The following OSBPL2 variants were observed in gnomAD, a reference collection of about 807,000 sequenced individuals.
OSBPL2 encodes the protein oxysterol-binding protein-related protein 2.
OSBPL2 carries 18 observed loss-of-function variants against 58.4 expected under a neutral mutation model. The observed-to-expected ratio is 0.31, with a 90% confidence interval of 0.21 to 0.46. The LOEUF is 0.46. Among genes scored for constraint, OSBPL2 ranks in the 20% least tolerant of loss-of-function variants. The pLI is 1.00. For missense variants in OSBPL2, 461 were observed against 616.5 expected, an observed-to-expected ratio of 0.75 and a Z score of 2.67; for synonymous variants, 221 against 234.1, an observed-to-expected ratio of 0.94 and a Z score of 0.51.
At position 62,260,011 on chromosome 20, in the gene OSBPL2, T is replaced by A. The variant is rs759404101; in HGVS notation, c.68T>A (p.Phe23Tyr). The A allele has an allele frequency of 6.2e-6, 10 of 1,613,882 alleles. No homozygotes were observed. In the South Asian group the frequency reaches 1.1e-4, roughly 18 times the overall value. ...GFDSDNSSGE[F>Y]SEANQKVTGM... Reference sequence around the variant, plus strand: ...GATTCTGATAACTCTTCTGGGGAATTTTCAGAGGCAAATCAGAAAGTCACG... The same window carrying A: ...GATTCTGATAACTCTTCTGGGGAATATTCAGAGGCAAATCAGAAAGTCACG... Residue 23 changes from phenylalanine (F) to tyrosine (Y), a missense_variant, in exon 3 of 14, where the codon TTT (phenylalanine) becomes TAT (tyrosine). Around this residue, in one of 5 missense-constraint regions of OSBPL2, gnomAD observed 80 missense variants for 74.8 expected, o/e 1.07. Transcript: ENST00000313733.
At chr20:62,275,599 C>T (rs1024994170) in intron 6 of OSBPL2, among the ~76,000 whole-genome samples, 6 of 152,176 alleles carry the variant, frequency 3.9e-5, no homozygotes, top group African/African-American at 1.4e-4. Flanking sequence ...AGGCGTGCGC[C>T]ACCATGCCCA....
At chr20:62,259,199 C>G (rs1024250415) in intron 2 of OSBPL2, 9 of 152,340 alleles carry the variant, frequency 5.9e-5, no homozygotes, top group African/African-American at 2.2e-4. Context: ...GCCCCCACTC[C>G]ACCCGGCTCT....
At chr20:62,268,622 C>CT (rs1981850856) in intron 4 of OSBPL2, among the ~76,000 whole-genome samples, 1 of 152,088 alleles carries the variant, frequency 6.6e-6, no homozygotes, top group Non-Finnish European at 1.5e-5. Flanking sequence ...TTTTTAGAGA[C>CT]TGAGTCTTGC....
Position 62,245,137 on chromosome 20 carries a change from C to T in OSBPL2, c.-129+6540C>T, listed in dbSNP as rs550930649. Among the ~76,000 whole-genome samples the T allele has an allele frequency of 1.4e-4, 21 of 150,030 alleles. No homozygotes were observed. The East Asian group carries it at 3.3e-3, about 24-fold the overall frequency. On this transcript the variant is annotated intron_variant, in intron 1 of 13. Coordinates refer to ENST00000313733, the MANE Select transcript of OSBPL2 (RefSeq NM_144498.4). The stretch of plus-strand genomic sequence containing the variant: ...TTTTGAGACGGTGTCTTGCCTCTGT[C>T]GCCCAGGCTGAAGTGCAGTGGCGCG...
chr20:62,284,012 A>G, intron 9 of OSBPL2, 34 bp from the exon 10 acceptor site: 1 of 1,599,092 alleles, frequency 6.3e-7, no homozygotes, highest in Non-Finnish European at 8.5e-7. Context: ...TGTAATGACT[A>G]AGACTTGTCT....
At chr20:62,252,831 A>C (rs1047558010) in intron 1 of OSBPL2, among the ~76,000 whole-genome samples, 32 of 152,314 alleles carry the variant, frequency 2.1e-4, no homozygotes, top group African/African-American at 7.5e-4. Context: ...CGCGAGGAGG[A>C]GTGAGAGAGA....
At chr20:62,284,379 T>A in intron 10 of OSBPL2, 2 of 552,540 alleles carry the variant, frequency 3.6e-6, no homozygotes. Flanking sequence ...TTTCCATTTT[T>A]TTTTTTTTTC....
At chr20:62,258,302 A>G (rs940262226) in intron 2 of OSBPL2, among the ~76,000 whole-genome samples, 5 of 152,238 alleles carry the variant, frequency 3.3e-5, no homozygotes, top group African/African-American at 9.6e-5. Context: ...TGCTAGAGGT[A>G]GACTCTCGAC....
At chr20:62,276,242 A>G (rs1982382018) in intron 6 of OSBPL2, among the ~76,000 whole-genome samples, 1 of 152,142 alleles carries the variant, frequency 6.6e-6, no homozygotes, top group Non-Finnish European at 1.5e-5. Flanking sequence ...ATCAATAGTG[A>G]GCAAATGGTT....
rs1418839326 is a variant in OSBPL2, at chr20:62,281,831, T to C, written c.824T>C (p.Leu275Ser). 2.5e-6 allele frequency: 4 copies of C among 1,612,550 alleles called. No homozygotes were observed. Among genetic ancestry groups the C allele is most frequent in the Non-Finnish European group, 3.4e-6 (4 of 1,178,736 alleles). Residue 275 changes from leucine (L) to serine (S), a missense_variant, in exon 9 of 14, where the codon TTA (leucine) becomes TCA (serine). Physicochemically the swap from Leu to Ser is moderately radical, Grantham distance 145 (BLOSUM62 -2). Around this residue, in one of 5 missense-constraint regions of OSBPL2, gnomAD observed 319 missense variants for 419.2 expected, o/e 0.76. Transcript: ENST00000313733. Reference protein sequence around the residue: ...KCVLHFKPCGLFGKELHKVEG... With the variant: ...KCVLHFKPCGSFGKELHKVEG... ...GTGCTTCACTTTAAACCGTGTGGAT[T>C]ATTTGGAAAAGAACTTCACAAGGTG...
rs567544403 is a variant in OSBPL2 at position 62,291,531 on chromosome 20, C to A, written c.1250-172C>A. 3.6e-3 allele frequency: 2,393 copies of A among 667,606 alleles called. 52 individuals carry two copies. In the African/African-American group the frequency reaches 0.038, roughly 11 times the overall value. The allele number at this position is 667,606 out of a possible 1,614,324, so 41.4% of individuals were successfully genotyped here. A position where few individuals can be genotyped will look rare whatever the true frequency, so the allele number is the denominator to read the frequency against. ...GGGAAGGGCCCTGTTGGCGTGCCGG[C>A]CGCTGTGGCCTCGGCAACTGTGATT... is the stretch of plus-strand genomic sequence containing the variant. On this transcript the variant is annotated intron_variant, in intron 12 of 13. Coordinates refer to ENST00000313733, the MANE Select transcript of OSBPL2 (RefSeq NM_144498.4).
At position 62,266,687 on chromosome 20, in the gene OSBPL2, G is replaced by A. The variant is rs569003262; in HGVS notation, c.258+2996G>A. The stretch of plus-strand genomic sequence containing the variant: ...ACACCCCCCACTTCTCTCCTCCCTC[G>A]TATTTTGAAGCAAATTCCAGACATC... On this transcript the variant is annotated intron_variant, in intron 4 of 13. Coordinates refer to ENST00000313733, the MANE Select transcript of OSBPL2 (RefSeq NM_144498.4). 5.9e-5 allele frequency among the ~76,000 whole-genome samples: 9 copies of A among 152,222 alleles called. No individual in the cohort carries two copies. The South Asian group carries it at 1.7e-3, about 28-fold the overall frequency.
At chr20:62,257,700 C>T (rs1210645324) in intron 2 of OSBPL2, among the ~76,000 whole-genome samples, 1 of 151,340 alleles carries the variant, frequency 6.6e-6, no homozygotes, top group African/African-American at 2.4e-5. Flanking sequence ...GATACTTTCC[C>T]GAATACCTCT....
At chr20:62,245,640 A>G (rs1343280367) in intron 1 of OSBPL2, among the ~76,000 whole-genome samples, 3 of 152,248 alleles carry the variant, frequency 2.0e-5, no homozygotes, top group East Asian at 1.9e-4. Context: ...CCAGTGTTCA[A>G]TAAAGGTCAC....
intron 13 of OSBPL2, among the ~76,000 whole-genome samples, chr20:62,292,312 GT>G (rs1235044387): frequency 2.6e-5 from 4 of 152,234 alleles, no homozygotes; most frequent in Non-Finnish European, 5.9e-5. Flanking sequence ...GGCCACGCCT[GT>G]CACACCGATA....
At chr20:62,264,361 C>T (rs370298103) in intron 4 of OSBPL2, among the ~76,000 whole-genome samples, 2 of 152,278 alleles carry the variant, frequency 1.3e-5, no homozygotes, top group East Asian at 3.9e-4. Context: ...CCAGAAGTTA[C>T]AGACTTTCCC....
chr20:62,246,740 G>A (rs915543694), intron 1 of OSBPL2, among the ~76,000 whole-genome samples: 5 of 152,166 alleles, frequency 3.3e-5, no homozygotes, highest in Admixed American at 6.5e-5. Context: ...AGTGCCACAC[G>A]GAGGTGCAGG....
At chr20:62,260,457 A>C (rs897612341) in intron 3 of OSBPL2, among the ~76,000 whole-genome samples, 1 of 152,188 alleles carries the variant, frequency 6.6e-6, no homozygotes. Flanking sequence ...CAAACAGTAC[A>C]TGGCGTCTTG....
At chr20:62,260,824 G>GA (rs1981248722) in intron 3 of OSBPL2, among the ~76,000 whole-genome samples, 1 of 151,854 alleles carries the variant, frequency 6.6e-6, no homozygotes, top group Non-Finnish European at 1.5e-5. Context: ...CCCACTGCTA[G>GA]AAAAAAATTA....
Sources: gnomAD v4.1 joint callset for allele counts (sites outside exome capture counted in the v4.1 genomes callset) on GRCh38, gnomAD v4.1.1 for gene constraint, gnomAD v4.1.1 regional missense constraint, MANE v1.5 for transcripts, NCBI Gene and HGNC (gene_info 2026-07-23, HGNC 2026-07-21) for gene names.